The following ADAMTS19 variants were observed in gnomAD, a reference collection of about 807,000 sequenced individuals.
ADAMTS19 encodes A disintegrin and metalloproteinase with thrombospondin motifs 19.
ADAMTS19 carries 93 observed loss-of-function variants against 153.3 expected under a neutral mutation model. The observed-to-expected ratio is 0.61, with a 90% confidence interval of 0.51 to 0.72. ADAMTS19 has a LOEUF of 0.72. ADAMTS19 is among the 30% of genes least tolerant of loss of function. The pLI is 0.00. For synonymous variants in ADAMTS19, 600 were observed against 556.6 expected (o/e 1.08, Z -1.10); for missense variants, 1,482 against 1,552.1 (o/e 0.95, Z 0.76).
rs532108321 is a variant in ADAMTS19 at position 129,545,713 on chromosome 5, A to G, written c.1329-6151A>G. Among the ~76,000 whole-genome samples, 4 of 151,032 alleles carry G rather than the reference A, an allele frequency of 2.6e-5. No individual in the cohort carries two copies. The South Asian group carries it at 6.2e-4, about 24-fold the overall frequency. ...ACCATCTCACACCAGTTAGAATGGC[A>G]ATCATTAAAAAGTCAGGCAACAACA... On this transcript the variant is annotated intron_variant, in intron 6 of 22. Transcript: ENST00000274487.
At chr5:129,521,267 C>T (rs1299534127) in intron 3 of ADAMTS19, among the ~76,000 whole-genome samples, 1 of 151,876 alleles carries the variant, frequency 6.6e-6, no homozygotes, top group Non-Finnish European at 1.5e-5. Context: ...AAAATTTTTA[C>T]CGAGAGCACA....
intron 18 of ADAMTS19, among the ~76,000 whole-genome samples, chr5:129,690,391 T>C (rs1042562743): frequency 3.3e-5 from 5 of 152,202 alleles, no homozygotes; most frequent in African/African-American, 1.2e-4. Flanking sequence ...AGCCAATTCA[T>C]GAAGGTCCTT....
intron 8 of ADAMTS19, among the ~76,000 whole-genome samples, chr5:129,599,385 A>G (rs992504602): frequency 1.3e-5 from 2 of 152,176 alleles, no homozygotes; most frequent in Non-Finnish European, 2.9e-5. Context: ...ATACAGATTT[A>G]TGAATAATTA....
chr5:129,729,994 T>G (rs1012543957), intron 21 of ADAMTS19, among the ~76,000 whole-genome samples: 2 of 152,138 alleles, frequency 1.3e-5, no homozygotes, highest in African/African-American at 4.8e-5. Flanking sequence ...AATATTGTGA[T>G]CTTTTTCAAG....
At chr5:129,674,617 C>A (rs916536754) in intron 16 of ADAMTS19, among the ~76,000 whole-genome samples, 11 of 152,082 alleles carry the variant, frequency 7.2e-5, no homozygotes, top group African/African-American at 2.4e-4. Context: ...CTTATTACAG[C>A]CTCCTTACAA....
At chr5:129,515,249 C>T (rs143417389) in intron 3 of ADAMTS19, among the ~76,000 whole-genome samples, 1,588 of 151,164 alleles carry the variant, frequency 0.011, 24 homozygotes, top group African/African-American at 0.037. Context: ...TTCTTTTTGC[C>T]GAGGATAGCT....
chr5:129,487,723 G>A (rs1043453333), intron 2 of ADAMTS19, among the ~76,000 whole-genome samples: 4 of 152,032 alleles, frequency 2.6e-5, no homozygotes, highest in African/African-American at 9.7e-5. Context: ...ACTCTAAATA[G>A]CGTAATATTT....
chr5:129,561,816 CCTACTATCTAT>C (rs1561572340), intron 7 of ADAMTS19, among the ~76,000 whole-genome samples: 1 of 145,708 alleles, frequency 6.9e-6, no homozygotes, highest in Non-Finnish European at 1.5e-5. Context: ...CACATTTCAC[CCTACTATCTAT>C]CTATCTATCT....
intron 6 of ADAMTS19, among the ~76,000 whole-genome samples, chr5:129,542,732 T>G (rs910299972): frequency 1.3e-5 from 2 of 152,202 alleles, no homozygotes; most frequent in African/African-American, 4.8e-5. Context: ...CAGAAAGATA[T>G]ATATATTTAC....
At chr5:129,588,879 T>G (rs768971615) in intron 7 of ADAMTS19, among the ~76,000 whole-genome samples, 23 of 151,802 alleles carry the variant, frequency 1.5e-4, no homozygotes, top group Non-Finnish European at 2.5e-4. Context: ...ACTAATATAT[T>G]TTACTTTATT....
At chr5:129,650,025 GA>G (rs201075082) in intron 13 of ADAMTS19, among the ~76,000 whole-genome samples, 20 of 151,292 alleles carry the variant, frequency 1.3e-4, no homozygotes, top group African/African-American at 3.4e-4. Flanking sequence ...CAAAAATACA[GA>G]AAAAAAAATT....
chr5:129,537,352 G>T (rs1191121853), intron 6 of ADAMTS19, among the ~76,000 whole-genome samples: 1 of 152,190 alleles, frequency 6.6e-6, no homozygotes, highest in African/African-American at 2.4e-5. Context: ...TTCAACCATT[G>T]TGGAAGTCGG....
intron 18 of ADAMTS19, among the ~76,000 whole-genome samples, chr5:129,690,420 T>C (rs1337108426): frequency 5.9e-5 from 9 of 152,226 alleles, no homozygotes; most frequent in Admixed American, 3.9e-4. Flanking sequence ...TGCTAACAGT[T>C]AAATTTAACT....
chr5:129,550,498 A>G (rs1316843025), intron 6 of ADAMTS19, among the ~76,000 whole-genome samples: 1 of 149,156 alleles, frequency 6.7e-6, no homozygotes, highest in Non-Finnish European at 1.5e-5. Flanking sequence ...ATATACATAT[A>G]CATGTATCTA....
chr5:129,632,141 A>G (rs557493760), intron 10 of ADAMTS19, among the ~76,000 whole-genome samples: 2 of 152,070 alleles, frequency 1.3e-5, no homozygotes, highest in Non-Finnish European at 2.9e-5. Flanking sequence ...AGCCATAGAT[A>G]ATATGTAATG....
chr5:129,464,526 A>G (rs932043150), intron 2 of ADAMTS19, among the ~76,000 whole-genome samples: 1 of 152,218 alleles, frequency 6.6e-6, no homozygotes, highest in Non-Finnish European at 1.5e-5. Context: ...GAACTTTTCA[A>G]TATCTTTTGG....
At chr5:129,714,710 T>C (rs1196305130) in intron 21 of ADAMTS19, among the ~76,000 whole-genome samples, 3 of 152,120 alleles carry the variant, frequency 2.0e-5, no homozygotes, top group Non-Finnish European at 4.4e-5. Context: ...TTACACCAAC[T>C]TGATAGGTGG....
At chr5:129,544,117 G>A (rs769344591) in intron 6 of ADAMTS19, among the ~76,000 whole-genome samples, 2 of 152,030 alleles carry the variant, frequency 1.3e-5, no homozygotes, top group Admixed American at 6.6e-5. Flanking sequence ...AATTAATGTT[G>A]ATATTAAAAT....
At chr5:129,560,024 C>G (rs771617858) in intron 7 of ADAMTS19, among the ~76,000 whole-genome samples, 9 of 152,164 alleles carry the variant, frequency 5.9e-5, no homozygotes, top group Non-Finnish European at 1.0e-4. Flanking sequence ...GGGACACACA[C>G]TTAAGTTTTA....
Sources: gnomAD v4.1 joint callset for allele counts (sites outside exome capture counted in the v4.1 genomes callset) on GRCh38, gnomAD v4.1.1 for gene constraint, MANE v1.5 for transcripts, NCBI Gene and HGNC (gene_info 2026-07-23, HGNC 2026-07-21) for gene names.